DCAF8L2: variants seen among roughly 807,000 people sequenced by gnomAD.
The protein encoded by DCAF8L2 is DDB1 and CUL4 associated factor 8 like 2.
For synonymous variants in DCAF8L2, 200 were observed against 190.9 expected (o/e 1.05, Z -0.39); for missense variants, 430 against 490.7 (o/e 0.88, Z 1.17).
At chrX:27,533,267 C>T in the DCAF8L2 span, among the ~76,000 whole-genome samples, 1 of 103,725 alleles carries the variant, frequency 9.6e-6, no homozygotes, top group South Asian at 4.8e-4. Flanking sequence ...AAAGTCAAGC[C>T]TGGTGGTGTA....
chrX:27,481,220 A>T, the DCAF8L2 span, among the ~76,000 whole-genome samples: 6 of 110,104 alleles, frequency 5.4e-5, no homozygotes, highest in South Asian at 2.0e-3. Context: ...TCTACTAAAA[A>T]TACAAAAATT....
the DCAF8L2 span, among the ~76,000 whole-genome samples, chrX:27,526,052 C>T: frequency 9.0e-6 from 1 of 111,332 alleles, no homozygotes; most frequent in East Asian, 2.8e-4. Flanking sequence ...CTCTGTATTT[C>T]CTGAATTTGA....
chrX:27,733,108 C>T (rs1345983650), intron 4 of DCAF8L2, among the ~76,000 whole-genome samples: 1 of 111,058 alleles, frequency 9.0e-6, no homozygotes, highest in Non-Finnish European at 1.9e-5. Flanking sequence ...CCACCCGCCT[C>T]GGCCTCCCAA....
At chrX:27,541,718 G>T in the DCAF8L2 span, among the ~76,000 whole-genome samples, 1 of 110,726 alleles carries the variant, frequency 9.0e-6, no homozygotes, top group South Asian at 3.9e-4. Flanking sequence ...GATACAAGGG[G>T]TACATATGCA....
the DCAF8L2 span, among the ~76,000 whole-genome samples, chrX:27,511,001 C>A: frequency 9.0e-6 from 1 of 110,889 alleles, no homozygotes; most frequent in Non-Finnish European, 1.9e-5. Context: ...AGTGTTTTTG[C>A]ATTCTAATAG....
At chrX:27,720,325 G>T (rs1169057447) in intron 4 of DCAF8L2, among the ~76,000 whole-genome samples, 3 of 111,243 alleles carry the variant, frequency 2.7e-5, no homozygotes, top group African/African-American at 9.8e-5. Flanking sequence ...GTTCCCCAAA[G>T]TTATTCTTTT....
chrX:27,640,241 GT>G (rs1199998737), intron 2 of DCAF8L2, among the ~76,000 whole-genome samples: 3 of 111,674 alleles, frequency 2.7e-5, no homozygotes, highest in South Asian at 7.5e-4. Flanking sequence ...TGTTATTAAA[GT>G]TTTTTTGATT....
At chrX:27,497,753 G>C in the DCAF8L2 span, among the ~76,000 whole-genome samples, 1 of 110,986 alleles carries the variant, frequency 9.0e-6, no homozygotes, top group Non-Finnish European at 1.9e-5. Context: ...ATTTTTAGTA[G>C]AGACGGGGTT....
the DCAF8L2 span, chrX:27,519,894 A>G: frequency 3.8e-6 from 1 of 261,374 alleles, no homozygotes; most frequent in African/African-American, 2.8e-5. Context: ...TTAATTATAT[A>G]CTTTTTTTGA....
At chrX:27,642,208 T>C (rs908239806) in intron 2 of DCAF8L2, among the ~76,000 whole-genome samples, 6 of 110,952 alleles carry the variant, frequency 5.4e-5, no homozygotes, top group African/African-American at 3.3e-5. Flanking sequence ...AGGGTACATC[T>C]TAACAAAGTT....
the DCAF8L2 span, among the ~76,000 whole-genome samples, chrX:27,475,348 G>A: frequency 2.8e-4 from 31 of 111,747 alleles, no homozygotes; most frequent in African/African-American, 8.4e-4. Flanking sequence ...TTATAGTTTT[G>A]CTAATTGTTA....
At chrX:27,716,965 C>G (rs1339621015) in intron 4 of DCAF8L2, among the ~76,000 whole-genome samples, 1 of 111,749 alleles carries the variant, frequency 8.9e-6, no homozygotes, top group Non-Finnish European at 1.9e-5. Flanking sequence ...CTCACACTTA[C>G]AAGTGAGAAC....
chrX:27,696,242 AAAG>A (rs1253890571), intron 3 of DCAF8L2, among the ~76,000 whole-genome samples: 1 of 101,410 alleles, frequency 9.9e-6, no homozygotes, highest in African/African-American at 3.6e-5. Context: ...TGAAAGAAAG[AAAG>A]AAGGAAGGAA....
intron 2 of DCAF8L2, among the ~76,000 whole-genome samples, chrX:27,634,955 T>TAC (rs1309465504): frequency 1.3e-4 from 11 of 86,566 alleles, no homozygotes; most frequent in African/African-American, 4.8e-4. Flanking sequence ...AAACCATGTA[T>TAC]ATACACACAC....
chrX:27,715,236 C>CA (rs1406349468), intron 3 of DCAF8L2, among the ~76,000 whole-genome samples: 2 of 109,537 alleles, frequency 1.8e-5, no homozygotes, highest in Non-Finnish European at 3.8e-5. Context: ...ACTAAAAATA[C>CA]AAAAAATTAG....
At chrX:27,473,794 G>A in the DCAF8L2 span, among the ~76,000 whole-genome samples, 1 of 111,083 alleles carries the variant, frequency 9.0e-6, no homozygotes, top group Non-Finnish European at 1.9e-5. Context: ...CAATATCAAT[G>A]TCATGTGTAC....
chrX:27,643,060 A>C (rs777039832), intron 2 of DCAF8L2, among the ~76,000 whole-genome samples: 1 of 112,051 alleles, frequency 8.9e-6, no homozygotes, highest in Non-Finnish European at 1.9e-5. Flanking sequence ...ATATCTCTTC[A>C]AGATAATCAT....
At chrX:27,654,536 TA>T (rs1167429173) in intron 2 of DCAF8L2, among the ~76,000 whole-genome samples, 1 of 112,142 alleles carries the variant, frequency 8.9e-6, no homozygotes, top group Non-Finnish European at 1.9e-5. Context: ...AAGTTCTCTA[TA>T]GACAATCAAC....
At chrX:27,482,079 T>G in the DCAF8L2 span, among the ~76,000 whole-genome samples, 1 of 111,839 alleles carries the variant, frequency 8.9e-6, no homozygotes. Flanking sequence ...TCTTAGTGTT[T>G]TTATTTCCCA....
Sources: allele counts gnomAD v4.1 joint callset (sites outside exome capture counted in the v4.1 genomes callset), GRCh38; gene constraint gnomAD v4.1.1; transcripts MANE v1.5; gene names NCBI Gene and HGNC (gene_info 2026-07-23, HGNC 2026-07-21).